Variants in PROS1 observed in about 807,000 individuals in gnomAD.
The protein encoded by PROS1 is vitamin K-dependent protein S.
In PROS1, 29 loss-of-function variants were observed where a neutral mutation model predicts 75.9. That is an observed-to-expected ratio of 0.38 (90% CI 0.28 to 0.52). The LOEUF (loss-of-function observed/expected upper bound fraction) is 0.52. Among genes scored for constraint, PROS1 ranks in the 20% least tolerant of loss-of-function variants. The pLI, the probability that PROS1 is intolerant of heterozygous loss-of-function variation, is 0.83. For missense variants in PROS1, 680 were observed against 810.3 expected (o/e 0.84, Z 1.95); for synonymous variants, 245 against 280.6 (o/e 0.87, Z 1.27).
chr3:93,971,313 A>C (rs1321493700), intron 1 of PROS1, among the ~76,000 whole-genome samples: 1 of 151,348 alleles, frequency 6.6e-6, no homozygotes, highest in Non-Finnish European at 1.5e-5. Context: ...ACGCCACTGC[A>C]CTCCTGCACT....
rs138818963 is a variant in PROS1, at chr3:93,954,571, T to G, written c.76+19103A>C. The stretch of plus-strand genomic sequence containing the variant: ...CCTTCCTTACACCTTATACAAAAAT[T>G]AATTCAAGGTGGATTAAAGACTTAA... On this transcript the variant is annotated intron_variant, in intron 1 of 14. Transcript: ENST00000394236. Among the ~76,000 whole-genome samples, 1,464 of 152,174 alleles carry G rather than the reference T, an allele frequency of 9.6e-3. 21 individuals are homozygous for G. Among genetic ancestry groups the G allele is most frequent in the African/African-American group, 0.033 (1,359 of 41,502 alleles).
At chr3:93,936,858 T>C (rs1299038915) in intron 1 of PROS1, among the ~76,000 whole-genome samples, 2 of 152,212 alleles carry the variant, frequency 1.3e-5, no homozygotes, top group Non-Finnish European at 2.9e-5. Context: ...ATAAAAATGA[T>C]ATTAAGATAA....
intron 9 of PROS1, among the ~76,000 whole-genome samples, chr3:93,893,905 G>A (rs1482355852): frequency 6.6e-6 from 1 of 152,076 alleles, no homozygotes; most frequent in East Asian, 1.9e-4. Flanking sequence ...CATATATGTA[G>A]CTATTACAGG....
At chr3:93,961,739 T>A (rs999880005) in intron 1 of PROS1, among the ~76,000 whole-genome samples, 1 of 152,246 alleles carries the variant, frequency 6.6e-6, no homozygotes. Flanking sequence ...GTGGTAATAT[T>A]GCTGCTTTCA....
intron 6 of PROS1, among the ~76,000 whole-genome samples, chr3:93,902,888 G>GGTTT (rs373959612): frequency 1.4e-4 from 21 of 152,024 alleles, no homozygotes; most frequent in South Asian, 6.2e-4. Flanking sequence ...TTGTGGTTTT[G>GGTTT]GTTTGTTTGT....
At chr3:93,940,234 G>A (rs1249806089) in intron 1 of PROS1, among the ~76,000 whole-genome samples, 5 of 152,138 alleles carry the variant, frequency 3.3e-5, no homozygotes, top group South Asian at 2.1e-4. Context: ...CAAGGCTCTC[G>A]GATTGACGCC....
intron 3 of PROS1, among the ~76,000 whole-genome samples, chr3:93,911,410 A>C (rs1708758303): frequency 6.6e-6 from 1 of 152,218 alleles, no homozygotes; most frequent in South Asian, 2.1e-4. Flanking sequence ...GTATTACTTC[A>C]TTGTTCAGAC....
chr3:93,925,933 AG>A (rs1709010286), intron 2 of PROS1, among the ~76,000 whole-genome samples: 1 of 151,872 alleles, frequency 6.6e-6, no homozygotes, highest in South Asian at 2.1e-4. Flanking sequence ...AATTAGTGGA[AG>A]GGAGGAAGCA....
intron 1 of PROS1, among the ~76,000 whole-genome samples, chr3:93,930,721 T>A (rs1012355505): frequency 2.0e-5 from 3 of 152,158 alleles, no homozygotes; most frequent in Non-Finnish European, 2.9e-5. Flanking sequence ...CCACTTAAGT[T>A]TATAAAAGTA....
In PROS1 at chr3:93,953,033, A is replaced by G. The variant is rs572372158; in HGVS notation, c.76+20641T>C. ...ACCCTCCCAAGACTACATCAGGAAG[A>G]AGTTGAATCCCTTAATAGATCAATA... On this transcript the variant is annotated intron_variant, in intron 1 of 14. Coordinates refer to ENST00000394236, the MANE Select transcript of PROS1 (RefSeq NM_000313.4). Among the ~76,000 whole-genome samples, 373 of 152,356 alleles carry G rather than the reference A, an allele frequency of 2.4e-3. 2 individuals are homozygous for G. The highest frequency in any genetic ancestry group is 8.4e-3 in the African/African-American group (351 of 41,576).
chr3:93,937,502 G>A (rs1709203544), intron 1 of PROS1, among the ~76,000 whole-genome samples: 1 of 151,928 alleles, frequency 6.6e-6, no homozygotes, highest in South Asian at 2.1e-4. Flanking sequence ...CGAGTAGCTG[G>A]GACTACAGGT....
At chr3:93,893,846 TG>T (rs1310972050) in intron 9 of PROS1, among the ~76,000 whole-genome samples, 1 of 152,142 alleles carries the variant, frequency 6.6e-6, no homozygotes, top group African/African-American at 2.4e-5. Flanking sequence ...CCCATGTGTT[TG>T]GGGGGTATCT....
At chr3:93,879,141 T>C (rs745914917) in intron 13 of PROS1, 22 bp downstream of exon 13, 12 of 1,607,250 alleles carry the variant, frequency 7.5e-6, no homozygotes, top group East Asian at 2.2e-5. Flanking sequence ...ACAAGGCTTA[T>C]ATAGGTTTAG....
intron 1 of PROS1, among the ~76,000 whole-genome samples, chr3:93,955,511 G>T (rs2107251190): frequency 6.6e-6 from 1 of 152,106 alleles, no homozygotes; most frequent in East Asian, 1.9e-4. Context: ...TCACTCATAG[G>T]TGGGAATTGA....
chr3:93,946,852 A>C (rs1400477873), intron 1 of PROS1, among the ~76,000 whole-genome samples: 1 of 151,628 alleles, frequency 6.6e-6, no homozygotes, highest in Non-Finnish European at 1.5e-5. Flanking sequence ...AAAAAAAAAA[A>C]AAAAAACTAT....
At chr3:93,929,189 G>A (rs1709069751) in intron 1 of PROS1, among the ~76,000 whole-genome samples, 1 of 152,090 alleles carries the variant, frequency 6.6e-6, no homozygotes, top group Non-Finnish European at 1.5e-5. Context: ...TATCAAGAGG[G>A]GCACAGGATC....
intron 2 of PROS1, among the ~76,000 whole-genome samples, 180 bp from the exon 3 acceptor site, chr3:93,924,444 G>GT (rs1260330761): frequency 6.6e-6 from 1 of 152,020 alleles, no homozygotes; most frequent in Non-Finnish European, 1.5e-5. Context: ...AATTAAGCCA[G>GT]TAAGATACTT....
intron 1 of PROS1, among the ~76,000 whole-genome samples, chr3:93,927,856 T>C (rs1349177473): frequency 7.2e-6 from 1 of 138,996 alleles, no homozygotes; most frequent in African/African-American, 2.6e-5. Context: ...CAAACATATA[T>C]ATATATATAT....
chr3:93,937,517 G>C (rs372181439), intron 1 of PROS1, among the ~76,000 whole-genome samples: 2 of 151,856 alleles, frequency 1.3e-5, no homozygotes, highest in East Asian at 3.9e-4. Flanking sequence ...ACAGGTACCC[G>C]CCACCTCACC....
Sources: gnomAD v4.1 joint callset for allele counts (sites outside exome capture counted in the v4.1 genomes callset) on GRCh38, gnomAD v4.1.1 for gene constraint, MANE v1.5 for transcripts, NCBI Gene and HGNC (gene_info 2026-07-23, HGNC 2026-07-21) for gene names.